Variants in LOC128462377 observed in about 807,000 individuals in gnomAD.
At chr16:89,354,071 G>C in the LOC128462377 span, among the ~76,000 whole-genome samples, 1 of 152,068 alleles carries the variant, frequency 6.6e-6, no homozygotes. Flanking sequence ...GGAGCTGCCC[G>C]CCCAACAGTC....
the LOC128462377 span, among the ~76,000 whole-genome samples, chr16:89,329,590 GA>G: frequency 2.7e-5 from 4 of 149,186 alleles, no homozygotes; most frequent in Admixed American, 2.7e-4. Context: ...ACTAGAAACA[GA>G]AAAAAATTTT....
At chr16:89,383,454 C>A in the LOC128462377 span, among the ~76,000 whole-genome samples, 1 of 152,250 alleles carries the variant, frequency 6.6e-6, no homozygotes, top group Non-Finnish European at 1.5e-5. Context: ...TGTATCTACC[C>A]TCCCTGATGG....
At chr16:89,362,644 G>A in the LOC128462377 span, among the ~76,000 whole-genome samples, 70,729 of 151,762 alleles carry the variant, frequency 0.47, 17,200 homozygotes, top group Middle Eastern at 0.72. Context: ...AAAGACCTGT[G>A]CTGACATTCC....
At chr16:89,404,542 GAGA>G in the LOC128462377 span, among the ~76,000 whole-genome samples, 2 of 152,240 alleles carry the variant, frequency 1.3e-5, no homozygotes, top group African/African-American at 2.4e-5. Flanking sequence ...GTAAAGAGAA[GAGA>G]AGGAAAAGCT....
At chr16:89,377,840 G>T in the LOC128462377 span, among the ~76,000 whole-genome samples, 1 of 152,130 alleles carries the variant, frequency 6.6e-6, no homozygotes, top group South Asian at 2.1e-4. Context: ...TGCCTCTCCT[G>T]CCTCCCCTTC....
the LOC128462377 span, among the ~76,000 whole-genome samples, chr16:89,343,089 C>G: frequency 3.9e-5 from 6 of 152,112 alleles, no homozygotes; most frequent in Non-Finnish European, 7.4e-5. Context: ...GGTGCGATCT[C>G]GGCTCACTGC....
chr16:89,339,322 G>A, the LOC128462377 span, among the ~76,000 whole-genome samples: 2 of 152,218 alleles, frequency 1.3e-5, no homozygotes, highest in African/African-American at 4.8e-5. Context: ...AAAGGAGTAA[G>A]AGAGGCCCAG....
the LOC128462377 span, among the ~76,000 whole-genome samples, chr16:89,366,151 A>G: frequency 6.6e-6 from 1 of 150,606 alleles, no homozygotes; most frequent in Non-Finnish European, 1.5e-5. Context: ...AAAAAAAAAA[A>G]GACATGATCT....
chr16:89,326,268 C>T, the LOC128462377 span, among the ~76,000 whole-genome samples: 1 of 152,108 alleles, frequency 6.6e-6, no homozygotes, highest in African/African-American at 2.4e-5. Flanking sequence ...ACGGAAGTGA[C>T]CAGCAGAGAG....
At chr16:89,415,829 C>CAAAAAAAAAAAAA in the LOC128462377 span, among the ~76,000 whole-genome samples, 308 of 39,672 alleles carry the variant, frequency 7.8e-3, 23 homozygotes, top group African/African-American at 0.015. Context: ...GACTCTGTCT[C>CAAAAAAAAAAAAA]AAAAAAAAAA....
the LOC128462377 span, among the ~76,000 whole-genome samples, chr16:89,415,756 A>T: frequency 7.1e-6 from 1 of 140,148 alleles, no homozygotes; most frequent in East Asian, 2.3e-4. Context: ...TGAATCTGGG[A>T]GGTGGAGGTT....
At chr16:89,334,187 A>AG in the LOC128462377 span, among the ~76,000 whole-genome samples, 3 of 149,302 alleles carry the variant, frequency 2.0e-5, no homozygotes, top group African/African-American at 7.5e-5. Flanking sequence ...AGAGAGAGAG[A>AG]AAGAAAGAAA....
At chr16:89,392,418 A>G in the LOC128462377 span, 1 of 152,128 alleles carries the variant, frequency 6.6e-6, no homozygotes, top group Non-Finnish European at 1.5e-5. Flanking sequence ...CACCCTTTTC[A>G]TGTTTTCTTA....
chr16:89,374,591 T>C, the LOC128462377 span, among the ~76,000 whole-genome samples: 1 of 152,236 alleles, frequency 6.6e-6, no homozygotes, highest in East Asian at 1.9e-4. Context: ...ATGCGCCATC[T>C]ACAGAGCAAC....
At chr16:89,404,296 G>A in the LOC128462377 span, among the ~76,000 whole-genome samples, 1 of 152,120 alleles carries the variant, frequency 6.6e-6, no homozygotes, top group Non-Finnish European at 1.5e-5. Context: ...CAAAGACTCT[G>A]AGAACATCAA....
At chr16:89,413,092 C>T in the LOC128462377 span, among the ~76,000 whole-genome samples, 1 of 152,180 alleles carries the variant, frequency 6.6e-6, no homozygotes, top group East Asian at 1.9e-4. Context: ...GGGGGCGCCG[C>T]TCAGCCACAA....
At chr16:89,371,003 AG>A in the LOC128462377 span, among the ~76,000 whole-genome samples, 5 of 152,198 alleles carry the variant, frequency 3.3e-5, no homozygotes, top group African/African-American at 1.2e-4. Flanking sequence ...GAGCTCTCCT[AG>A]TTGAGAAAAA....
the LOC128462377 span, among the ~76,000 whole-genome samples, chr16:89,355,752 G>A: frequency 6.6e-6 from 1 of 152,358 alleles, no homozygotes; most frequent in South Asian, 2.1e-4. Context: ...GGCAGGTCTT[G>A]TGTTACTGAG....
At chr16:89,401,747 C>T in the LOC128462377 span, among the ~76,000 whole-genome samples, 1 of 152,234 alleles carries the variant, frequency 6.6e-6, no homozygotes, top group East Asian at 1.9e-4. Context: ...AACTAGCTTC[C>T]TTCTACAAAG....
Sources: allele counts gnomAD v4.1 joint callset (sites outside exome capture counted in the v4.1 genomes callset), GRCh38; gene constraint gnomAD v4.1.1; transcripts MANE v1.5.